GGNBP2: variants seen among roughly 807,000 people sequenced by gnomAD.
GGNBP2 encodes the protein gametogenetin-binding protein 2.
In GGNBP2, 10 loss-of-function variants were observed where a neutral mutation model predicts 85.9. The ratio of observed to expected loss-of-function variants is 0.12; its 90% confidence interval spans 0.07 to 0.20. GGNBP2 has a LOEUF of 0.20. Ranked by LOEUF, GGNBP2 falls within the 10% of genes least tolerant of loss-of-function variation. GGNBP2 has a pLI of 1.00. For missense variants in GGNBP2, 595 were observed against 857.8 expected (o/e 0.69, Z 3.83); for synonymous variants, 287 against 285.7 (o/e 1.00, Z -0.05).
At chr17:36,563,963 C>T (rs113478985) in intron 5 of GGNBP2, among the ~76,000 whole-genome samples, 3 of 152,164 alleles carry the variant, frequency 2.0e-5, no homozygotes, top group Non-Finnish European at 4.4e-5. Context: ...AGGCTGGTCT[C>T]GAACTCCTGA....
In GGNBP2 at chr17:36,569,006, G is replaced by A. The variant is rs184400770; in HGVS notation, c.641+1230G>A. 2.6e-5 allele frequency among the ~76,000 whole-genome samples: 4 copies of A among 152,162 alleles called. No homozygotes were observed. In the East Asian group the frequency reaches 7.8e-4, roughly 30 times the overall value. On this transcript the variant is annotated intron_variant, in intron 6 of 13. Transcript: ENST00000613102. ...CCTGACTTGTGATCCGCTCTCCTCAGCCTCCCGAAGTGCTGGGATTACAGG... is the reference window on the plus strand; with the variant it reads ...CCTGACTTGTGATCCGCTCTCCTCAACCTCCCGAAGTGCTGGGATTACAGG...
At chr17:36,558,426 A>AG (rs2074384730) in intron 4 of GGNBP2, among the ~76,000 whole-genome samples, 1 of 149,814 alleles carries the variant, frequency 6.7e-6, no homozygotes, top group Non-Finnish European at 1.5e-5. Context: ...AAAAAAAAAA[A>AG]AAAAAAAAAA....
intron 9 of GGNBP2, among the ~76,000 whole-genome samples, chr17:36,583,188 G>A (rs1367066261): frequency 6.6e-6 from 1 of 151,958 alleles, no homozygotes; most frequent in African/African-American, 2.4e-5. Flanking sequence ...CAAGTAGCTG[G>A]GGCTACAGGC....
chr17:36,574,035 T>C (rs1555607279), intron 6 of GGNBP2, among the ~76,000 whole-genome samples: 1 of 152,124 alleles, frequency 6.6e-6, no homozygotes, highest in East Asian at 1.9e-4. Flanking sequence ...CAATATATGG[T>C]TTGCAAATAT....
chr17:36,563,691 T>C (rs1278623007), intron 5 of GGNBP2, among the ~76,000 whole-genome samples: 1 of 151,490 alleles, frequency 6.6e-6, no homozygotes, highest in Non-Finnish European at 1.5e-5. Context: ...TTCTTAAGGA[T>C]AGTTGTTATT....
intron 6 of GGNBP2, among the ~76,000 whole-genome samples, chr17:36,574,060 T>C (rs754219410): frequency 6.6e-6 from 1 of 152,154 alleles, no homozygotes; most frequent in African/African-American, 2.4e-5. Flanking sequence ...TCCCATTCTT[T>C]GGGTTGCCTT....
chr17:36,548,623 A>C (rs1248269063), intron 2 of GGNBP2, among the ~76,000 whole-genome samples: 1 of 86,980 alleles, frequency 1.1e-5, no homozygotes, highest in East Asian at 4.8e-4. Flanking sequence ...CTCAAAAAAA[A>C]AAAAAAAAAA....
intron 7 of GGNBP2, 169 bp downstream of exon 7, chr17:36,578,355 G>A (rs1029543514): frequency 9.2e-6 from 5 of 545,854 alleles, no homozygotes; most frequent in Non-Finnish European, 1.3e-5. Context: ...TTAATTGACT[G>A]AAAATAGGGA....
At chr17:36,565,163 A>G (rs1229530241) in intron 5 of GGNBP2, among the ~76,000 whole-genome samples, 1 of 152,230 alleles carries the variant, frequency 6.6e-6, no homozygotes, top group African/African-American at 2.4e-5. Flanking sequence ...CAAGTTATCA[A>G]GGACCCAAAA....
At chr17:36,575,156 G>A in intron 6 of GGNBP2, 1 of 675,146 alleles carries the variant, frequency 1.5e-6, no homozygotes, top group Non-Finnish European at 2.7e-6. Context: ...CTTGGTGATA[G>A]GCATCCACTC....
At position 36,567,659 on chromosome 17, in the gene GGNBP2, A is replaced by G. The variant is rs17138347; in HGVS notation, c.528-4A>G. On this transcript the variant is annotated splice_region_variant and splice_polypyrimidine_tract_variant and intron_variant, in intron 5 of 13. Transcript: ENST00000613102. ...CTTTTCACTAATATTTGTTCTTTCT[A>G]CAGAGGTTGTTGGATGGATGTATGG... is the stretch of plus-strand genomic sequence containing the variant. 48,308 of 1,500,474 alleles carry G rather than the reference A, an allele frequency of 0.032. 986 individuals carry two copies. Among genetic ancestry groups the G allele is most frequent in the African/African-American group, 0.072 (5,255 of 72,600 alleles). The allele number at this position is 1,500,474 out of a possible 1,614,324, so 92.9% of individuals were successfully genotyped here. A position where few individuals can be genotyped will look rare whatever the true frequency, so the allele number is the denominator to read the frequency against.
intron 5 of GGNBP2, among the ~76,000 whole-genome samples, chr17:36,566,680 CAA>C (rs60798466): frequency 7.4e-6 from 1 of 134,782 alleles, no homozygotes; most frequent in African/African-American, 2.7e-5. Flanking sequence ...GAATCTGTCT[CAA>C]AAAAAAAAAA....
At chr17:36,586,563 A>C (rs1028062017) in intron 12 of GGNBP2, 21 of 263,090 alleles carry the variant, frequency 8.0e-5, no homozygotes, top group Non-Finnish European at 1.2e-4. Flanking sequence ...TGCCTGGTAA[A>C]ATAAAATGAA....
Position 36,548,615 on chromosome 17 carries a change from C to CAAAAAAAAAAAAAAAAAAAAAAAAAAAAA in GGNBP2, c.93+2807_93+2835dup. Among the ~76,000 whole-genome samples, 2 of 23,736 alleles carry CAAAAAAAAAAAAAAAAAAAAAAAAAAAAA rather than the reference C, an allele frequency of 8.4e-5. 1 individual carries two copies. The highest frequency in any genetic ancestry group is 1.7e-4 in the Non-Finnish European group (2 of 11,926). The allele number at this position is 23,736 out of a possible 152,430, so 15.6% of individuals were successfully genotyped here. A position where few individuals can be genotyped will look rare whatever the true frequency, so the allele number is the denominator to read the frequency against. The stretch of plus-strand genomic sequence containing the variant: ...GGGCAACAAGAGCAAGACTCTGTCT[C>CAAAAAAAAAAAAAAAAAAAAAAAAAAAAA]AAAAAAAAAAAAAAAAAAAAAAAAA... On this transcript the variant is annotated intron_variant, in intron 2 of 13. Transcript: ENST00000613102.
intron 5 of GGNBP2, among the ~76,000 whole-genome samples, chr17:36,561,431 CTT>C (rs1349537488): frequency 2.0e-5 from 3 of 151,546 alleles, no homozygotes; most frequent in Non-Finnish European, 4.4e-5. Context: ...CGGTTGAAGT[CTT>C]TATGGAAATG....
At chr17:36,585,022 C>T (rs2074686806) in intron 9 of GGNBP2, among the ~76,000 whole-genome samples, 1 of 151,718 alleles carries the variant, frequency 6.6e-6, no homozygotes, top group Admixed American at 6.6e-5. Context: ...ATTTTTACAG[C>T]TTCCTCAGAG....
intron 2 of GGNBP2, among the ~76,000 whole-genome samples, chr17:36,553,322 T>C (rs985056056): frequency 1.3e-5 from 2 of 152,246 alleles, no homozygotes; most frequent in African/African-American, 4.8e-5. Context: ...GTCTATCCTT[T>C]AGTATCTATT....
At chr17:36,555,232 TCAGA>T (rs1479984753) in intron 3 of GGNBP2, among the ~76,000 whole-genome samples, 1 of 152,236 alleles carries the variant, frequency 6.6e-6, no homozygotes, top group Non-Finnish European at 1.5e-5. Context: ...ATTGTTTTGT[TCAGA>T]CAAAGTAATC....
intron 2 of GGNBP2, among the ~76,000 whole-genome samples, chr17:36,550,644 GA>G (rs1333962040): frequency 6.6e-6 from 1 of 152,194 alleles, no homozygotes; most frequent in African/African-American, 2.4e-5. Flanking sequence ...GGAGAAACCA[GA>G]ACAGATACTT....
Sources: gnomAD v4.1 joint callset for allele counts (sites outside exome capture counted in the v4.1 genomes callset) on GRCh38, gnomAD v4.1.1 for gene constraint, MANE v1.5 for transcripts, NCBI Gene and HGNC (gene_info 2026-07-23, HGNC 2026-07-21) for gene names.